GSDME: variants seen among roughly 807,000 people sequenced by gnomAD.
The protein encoded by GSDME is gasdermin E, also known as gasdermin-E.
Under a neutral mutation model 47.5 loss-of-function variants are expected in GSDME, and 44 were observed. The observed-to-expected ratio is 0.93, with a 90% confidence interval of 0.73 to 1.19. The LOEUF (loss-of-function observed/expected upper bound fraction) is 1.19. GSDME is among the 50% of genes most tolerant of loss of function. GSDME has a pLI of 0.00. For synonymous variants in GSDME, 258 were observed against 252.8 expected (o/e 1.02, Z -0.20); for missense variants, 663 against 604.2 (o/e 1.10, Z -1.02).
chr7:24,792,664 G>A, the GSDME span, among the ~76,000 whole-genome samples: 3 of 152,020 alleles, frequency 2.0e-5, no homozygotes, highest in Non-Finnish European at 4.4e-5. Flanking sequence ...TTTTCCCCTG[G>A]GACTATGGCC....
chr7:24,744,458 G>A lies in GSDME; in HGVS notation c.404+104C>T. On this transcript the variant is annotated intron_variant, in intron 3 of 9. Coordinates refer to ENST00000645220, the MANE Select transcript of GSDME (RefSeq NM_001127453.2). This position sits in a 1 kb window ranked among gnomAD's most constrained non-coding sequence, Gnocchi z 4.5. Reference sequence around the variant, plus strand: ...CAAGCGCATTCAATACATGTTTATTGATCGGCAGAGATCAAATCTGTCGCC... The same window carrying A: ...CAAGCGCATTCAATACATGTTTATTAATCGGCAGAGATCAAATCTGTCGCC... 8.1e-7 allele frequency: 1 copy of A among 1,229,928 alleles called. No individual in the cohort carries two copies. The highest frequency in any genetic ancestry group is 1.7e-5 in the Admixed American group (1 of 59,490). 76.2% of individuals were successfully genotyped at this position (1,229,928 alleles called of 1,614,324 possible). A position where few individuals can be genotyped will look rare whatever the true frequency, so the allele number is the denominator to read the frequency against.
At chr7:24,772,420 ACTGT>A in the GSDME span, among the ~76,000 whole-genome samples, 3 of 152,122 alleles carry the variant, frequency 2.0e-5, no homozygotes, top group Non-Finnish European at 4.4e-5. The surrounding 1 kb of genome is among the most constrained non-coding windows in gnomAD (Gnocchi z 4.5). Context: ...GTGTTTGTTT[ACTGT>A]CTGTTTTATG....
At chr7:24,713,219 C>A (rs1186495555) in intron 5 of GSDME, among the ~76,000 whole-genome samples, 1 of 152,106 alleles carries the variant, frequency 6.6e-6, no homozygotes, top group African/African-American at 2.4e-5. Flanking sequence ...CTCAGCAAGG[C>A]CTGTCTCTTC....
Position 24,703,138 on chromosome 7 carries a change from G to A in GSDME, c.1184-305C>T, listed in dbSNP as rs59130124. 1.6e-3 allele frequency: 589 copies of A among 366,718 alleles called. 7 individuals carry two copies. Among genetic ancestry groups the A allele is most frequent in the African/African-American group, 0.011 (538 of 47,292 alleles). The allele number at this position is 366,718 out of a possible 1,614,324, so 22.7% of individuals were successfully genotyped here. On this transcript the variant is annotated intron_variant, in intron 8 of 9. Coordinates refer to ENST00000645220, the MANE Select transcript of GSDME (RefSeq NM_001127453.2). ...GAAGGAAAGGAAACAGCATGGAAAAGCAGACCCTGCCATCTGGTGACAGAA... is the reference window on the plus strand; with the variant it reads ...GAAGGAAAGGAAACAGCATGGAAAAACAGACCCTGCCATCTGGTGACAGAA...
chr7:24,777,952 A>G, the GSDME span, among the ~76,000 whole-genome samples: 1 of 152,086 alleles, frequency 6.6e-6, no homozygotes, highest in Non-Finnish European at 1.5e-5. Flanking sequence ...TGATTTAAAA[A>G]AGAAAAACAA....
intron 5 of GSDME, among the ~76,000 whole-genome samples, chr7:24,710,809 T>C (rs1789322326): frequency 6.6e-6 from 1 of 152,222 alleles, no homozygotes; most frequent in South Asian, 2.1e-4. Context: ...AGTAGTTATG[T>C]GATTATATTT....
intron 3 of GSDME, among the ~76,000 whole-genome samples, chr7:24,729,217 GC>G (rs1252235614): frequency 6.6e-6 from 1 of 152,244 alleles, no homozygotes; most frequent in East Asian, 1.9e-4. Flanking sequence ...TCACGCCAAA[GC>G]CCTTGGAACA....
chr7:24,763,600 T>A, the GSDME span, among the ~76,000 whole-genome samples: 1 of 152,196 alleles, frequency 6.6e-6, no homozygotes, highest in Non-Finnish European at 1.5e-5. The surrounding 1 kb of genome is among the most constrained non-coding windows in gnomAD (Gnocchi z 4.3). Flanking sequence ...GTAAAATTTA[T>A]GAATTGCTTA....
upstream of GSDME, chr7:24,758,178 T>TA (rs753198673): frequency 3.3e-5 from 5 of 152,234 alleles, no homozygotes; most frequent in Non-Finnish European, 7.3e-5. This position sits in a 1 kb window ranked among gnomAD's most constrained non-coding sequence, Gnocchi z 4.6. Flanking sequence ...GATTAACCAT[T>TA]ACTTAAGTTG....
chr7:24,735,632 C>T lies in GSDME; in HGVS notation c.404+8930G>A, dbSNP rs185348043. On this transcript the variant is annotated intron_variant, in intron 3 of 9. Coordinates refer to ENST00000645220, the MANE Select transcript of GSDME (RefSeq NM_001127453.2). This position sits in a 1 kb window ranked among gnomAD's most constrained non-coding sequence, Gnocchi z 4.4. ...AAGTAGCCGGGCGTGGTGGTGGGCG[C>T]CTGTAATCCCAACTACTCAGGAGGC... Among the ~76,000 whole-genome samples, 339 of 152,128 alleles carry T rather than the reference C, an allele frequency of 2.2e-3. 1 individual carries two copies. Among genetic ancestry groups the T allele is most frequent in the African/African-American group, 7.9e-3 (329 of 41,512 alleles).
the GSDME span, among the ~76,000 whole-genome samples, chr7:24,774,295 CCCTCCCTTCCTCCCTCCCTT>C: frequency 2.2e-5 from 1 of 46,422 alleles, no homozygotes; most frequent in African/African-American, 1.1e-4. Context: ...CTCCCTCCCT[CCCTCCCTTCCTCCCTCCCTT>C]CCTTCTTCCC....
At chr7:24,734,597 C>A (rs1288764021) in intron 3 of GSDME, among the ~76,000 whole-genome samples, 2 of 152,044 alleles carry the variant, frequency 1.3e-5, no homozygotes, top group Non-Finnish European at 2.9e-5. Context: ...ACAGAGATTG[C>A]AATAATTTAA....
chr7:24,763,874 A>G, the GSDME span, among the ~76,000 whole-genome samples: 1 of 152,250 alleles, frequency 6.6e-6, no homozygotes, highest in African/African-American at 2.4e-5. This position sits in a 1 kb window ranked among gnomAD's most constrained non-coding sequence, Gnocchi z 4.3. Flanking sequence ...GGCCAAGCCC[A>G]GAGCTTTTGT....
Position 24,699,237 on chromosome 7 carries a change from C to G in GSDME, c.1280G>C (p.Gly427Ala), listed in dbSNP as rs1788760855. 5.0e-6 allele frequency: 8 copies of G among 1,613,482 alleles called. No homozygotes were observed. The East Asian group carries it at 1.8e-4, about 36-fold the overall frequency. Residue 427 changes from glycine to alanine, a missense_variant, in exon 10 of 10, where the codon GGA (glycine) becomes GCA (alanine). By Grantham distance (60) the Gly-to-Ala change is moderately conservative. Coordinates refer to ENST00000645220, the MANE Select transcript of GSDME (RefSeq NM_001127453.2). ...GGTTGGGTCTTCAAGATCAGATACT[C>G]CATCATCAGACAGAGCACGAAGCTG... ...CHLLRALSDD[G>A]VSDLEDPTLT... is the part of the protein sequence containing the mutation.
chr7:24,757,868 G>C (rs935219755), upstream of GSDME: 1 of 152,348 alleles, frequency 6.6e-6, no homozygotes, highest in Non-Finnish European at 1.5e-5. The surrounding 1 kb of genome is among the most constrained non-coding windows in gnomAD (Gnocchi z 5.9). Flanking sequence ...GCGGCCTCAC[G>C]GTTCAACCAG....
Position 24,699,964 on chromosome 7 carries a change from CT to C in GSDME, c.1258-706del, listed in dbSNP as rs750419390. Among the ~76,000 whole-genome samples the C allele has an allele frequency of 4.6e-5, 7 of 152,286 alleles. No individual in the cohort carries two copies. The East Asian group carries it at 1.4e-3, about 29-fold the overall frequency. ...TAATTATCCTTCCTGCCTCAAGAAC[CT>C]TTTCCCTTGTTATTCCTTCTTCCAA... On this transcript the variant is annotated intron_variant, in intron 9 of 9. Coordinates refer to ENST00000645220, the MANE Select transcript of GSDME (RefSeq NM_001127453.2).
intron 2 of GSDME, 48 bp downstream of exon 2, chr7:24,749,516 G>T: frequency 7.7e-7 from 1 of 1,306,858 alleles, no homozygotes; most frequent in South Asian, 1.3e-5. Flanking sequence ...AAAAAAAAAG[G>T]ATCATCCTTT....
the GSDME span, among the ~76,000 whole-genome samples, chr7:24,791,395 TA>T: frequency 1.8e-4 from 27 of 152,176 alleles, no homozygotes; most frequent in African/African-American, 6.3e-4. The surrounding 1 kb of genome is among the most constrained non-coding windows in gnomAD (Gnocchi z 4.8). Flanking sequence ...GGCTGCTCCA[TA>T]AGCCTGTATG....
intron 7 of GSDME, 77 bp from the exon 8 acceptor site, chr7:24,706,453 C>T: frequency 2.1e-6 from 3 of 1,430,236 alleles, no homozygotes; most frequent in South Asian, 2.5e-5. Context: ...GCTCACAGTA[C>T]ACACAAGCCC....
Sources: allele counts gnomAD v4.1 joint callset (sites outside exome capture counted in the v4.1 genomes callset), GRCh38; gene constraint gnomAD v4.1.1; non-coding constraint Gnocchi (gnomAD v3.1); transcripts MANE v1.5; gene names NCBI Gene and HGNC (gene_info 2026-07-23, HGNC 2026-07-21).